SRGAP3: variants seen among roughly 807,000 people sequenced by gnomAD.
The protein encoded by SRGAP3 is SLIT-ROBO Rho GTPase-activating protein 3.
A neutral mutation model predicts 121.1 loss-of-function variants in SRGAP3; 39 were observed. That is an observed-to-expected ratio of 0.32 (90% CI 0.25 to 0.42). The LOEUF is 0.42. SRGAP3 is among the 10% of genes least tolerant of loss of function. SRGAP3 has a pLI of 1.00. For synonymous variants in SRGAP3, 601 were observed against 570.0 expected (o/e 1.05, Z -0.77); for missense variants, 1,213 against 1,470.6 (o/e 0.82, Z 2.86).
At chr3:9,313,919 G>A (rs1215350503) in intron 3 of SRGAP3, among the ~76,000 whole-genome samples, 7 of 152,124 alleles carry the variant, frequency 4.6e-5, no homozygotes, top group African/African-American at 7.2e-5. Flanking sequence ...GCTTGAACCC[G>A]GAGGCAGAGG....
At chr3:9,255,420 T>A (rs1954110339) in intron 3 of SRGAP3, among the ~76,000 whole-genome samples, 1 of 152,206 alleles carries the variant, frequency 6.6e-6, no homozygotes, top group African/African-American at 2.4e-5. Flanking sequence ...AGGCTCTCCC[T>A]GTAAGATGGC....
intron 2 of SRGAP3, among the ~76,000 whole-genome samples, chr3:9,123,017 T>C (rs1949071590): frequency 1.3e-5 from 2 of 152,206 alleles, no homozygotes; most frequent in African/African-American, 4.8e-5. Context: ...GGAAGAACAT[T>C]CTGACACATG....
At chr3:9,073,502 G>C (rs899702091) in intron 4 of SRGAP3, among the ~76,000 whole-genome samples, 1 of 152,186 alleles carries the variant, frequency 6.6e-6, no homozygotes, top group Non-Finnish European at 1.5e-5. Context: ...CACTAGTGTA[G>C]GGGAGCGCTT....
chr3:9,188,416 A>G (rs1951662704), intron 1 of SRGAP3, among the ~76,000 whole-genome samples: 1 of 152,244 alleles, frequency 6.6e-6, no homozygotes, highest in Non-Finnish European at 1.5e-5. Context: ...GAAGGGCATG[A>G]AAGATAATCT....
chr3:9,356,183 CTTT>C (rs916919134), intron 1 of SRGAP3, among the ~76,000 whole-genome samples: 1 of 136,736 alleles, frequency 7.3e-6, no homozygotes, highest in Non-Finnish European at 1.5e-5. Context: ...GTTTATGGGA[CTTT>C]TTTTTCTTTT....
chr3:9,052,697 T>C (rs73811420), intron 9 of SRGAP3, among the ~76,000 whole-genome samples: 3,286 of 152,324 alleles, frequency 0.022, 115 homozygotes, highest in African/African-American at 0.074. Flanking sequence ...ATATACATAA[T>C]TTCAAGGTTG....
intron 4 of SRGAP3, among the ~76,000 whole-genome samples, chr3:9,079,279 C>T (rs1947125476): frequency 6.6e-6 from 1 of 152,134 alleles, no homozygotes; most frequent in Non-Finnish European, 1.5e-5. Flanking sequence ...GCTCTACCTG[C>T]TGGGTCTACC....
rs1156876649 is a variant in SRGAP3 at position 9,053,098 on chromosome 3, T to C, written c.1252A>G (p.Thr418Ala). Residue 418 changes from threonine to alanine, a missense_variant, in exon 9 of 22, where the codon ACC becomes GCC. Transcript: ENST00000383836. ...GCAATGTTGATCTTGCTCATGTAGG[T>C]CTCAGAGGCAGCCGACTTGACGGAC... ...TESVKSAASE[T>A]YMSKINIAKR... 8 of 1,614,032 alleles carry C rather than the reference T, an allele frequency of 5.0e-6. No individual in the cohort carries two copies. Among genetic ancestry groups the C allele is most frequent in the Non-Finnish European group, 6.8e-6 (8 of 1,180,038 alleles).
chr3:9,023,561 T>C (rs923388082), intron 14 of SRGAP3, among the ~76,000 whole-genome samples: 9 of 152,168 alleles, frequency 5.9e-5, no homozygotes, highest in Admixed American at 3.9e-4. Context: ...CCATCCAGGC[T>C]GGGCTAGGGC....
At chr3:9,227,893 A>G (rs533472261) in intron 1 of SRGAP3, among the ~76,000 whole-genome samples, 1 of 152,224 alleles carries the variant, frequency 6.6e-6, no homozygotes, top group South Asian at 2.1e-4. Flanking sequence ...CCTTAAGGAG[A>G]TGACAAAGGT....
At chr3:9,327,239 C>T (rs545575916) in intron 2 of SRGAP3, among the ~76,000 whole-genome samples, 2 of 151,904 alleles carry the variant, frequency 1.3e-5, no homozygotes, top group South Asian at 4.2e-4. Flanking sequence ...TAAGAAAACT[C>T]TGTTGTACTT....
Position 9,013,424 on chromosome 3 carries a change from T to C in SRGAP3, c.2031A>G (p.Ala677=). The C allele has an allele frequency of 6.2e-7, 1 of 1,614,164 alleles. No individual in the cohort carries two copies. Residue 677 remains alanine (A), a synonymous_variant, in exon 17 of 22, where the codon GCA becomes GCG. Coordinates refer to ENST00000383836, the MANE Select transcript of SRGAP3 (RefSeq NM_014850.4). ...PDGQDPVSCQ[A]HINEVIKTII... ...TGGTTTTGATGACTTCATTGATGTG[T>C]GCCTGGCAGGACACAGGGTCCTGCC...
chr3:9,066,655 A>G (rs1946448366), intron 4 of SRGAP3, among the ~76,000 whole-genome samples: 1 of 152,104 alleles, frequency 6.6e-6, no homozygotes, highest in African/African-American at 2.4e-5. Flanking sequence ...ACCCGCCACA[A>G]TGCCCGGCTA....
intron 2 of SRGAP3, 136 bp downstream of exon 2, chr3:9,124,589 C>G: frequency 9.0e-7 from 1 of 1,112,722 alleles, no homozygotes; most frequent in East Asian, 2.5e-5. Context: ...GTGTAAGTAA[C>G]CTGCAGAGCC....
rs2124890335 is a variant in SRGAP3 at position 8,984,571 on chromosome 3, A to G, written c.*948T>C. 4.3e-6 allele frequency: 1 copy of G among 232,780 alleles called. No individual in the cohort carries two copies. Among genetic ancestry groups the G allele is most frequent in the East Asian group, 6.1e-5 (1 of 16,514 alleles). The allele number at this position is 232,780 out of a possible 1,614,324, so 14.4% of individuals were successfully genotyped here. A position where few individuals can be genotyped will look rare whatever the true frequency, so the allele number is the denominator to read the frequency against. On this transcript the variant is annotated 3_prime_UTR_variant, in exon 22 of 22. Transcript: ENST00000383836. ...TTTATTTTTCCCAACCACATGTAAT[A>G]CTGTGCTACGATGGGGCTTAGGTTC...
intron 1 of SRGAP3, among the ~76,000 whole-genome samples, chr3:9,175,371 T>G (rs577184555): frequency 2.6e-4 from 39 of 152,332 alleles, no homozygotes; most frequent in Admixed American, 4.6e-4. Flanking sequence ...TGTTTGCCTC[T>G]GTATCCCCAA....
At chr3:9,155,187 G>C (rs931408001) in intron 1 of SRGAP3, among the ~76,000 whole-genome samples, 3 of 152,050 alleles carry the variant, frequency 2.0e-5, no homozygotes, top group Non-Finnish European at 4.4e-5. Context: ...GTGGAGTTCT[G>C]GCTGACAGTT....
At chr3:9,180,480 C>G (rs2125119033) in intron 1 of SRGAP3, among the ~76,000 whole-genome samples, 1 of 152,330 alleles carries the variant, frequency 6.6e-6, no homozygotes, top group Middle Eastern at 3.4e-3. Flanking sequence ...CGTGTACCCT[C>G]AACCACCAAG....
At chr3:9,294,506 G>A (rs184707454) in intron 3 of SRGAP3, among the ~76,000 whole-genome samples, 32 of 151,682 alleles carry the variant, frequency 2.1e-4, no homozygotes, top group African/African-American at 7.3e-4. Flanking sequence ...ACCTGCACAT[G>A]TATCCTGGAA....
Sources: gnomAD v4.1 joint callset for allele counts (sites outside exome capture counted in the v4.1 genomes callset) on GRCh38, gnomAD v4.1.1 for gene constraint, MANE v1.5 for transcripts, NCBI Gene and HGNC (gene_info 2026-07-23, HGNC 2026-07-21) for gene names.